Variants in EEFSEC observed in about 807,000 individuals in gnomAD.
EEFSEC encodes the protein eukaryotic elongation factor, selenocysteine-tRNA specific, also known as selenocysteine-specific elongation factor.
Under a neutral mutation model 42.1 loss-of-function variants are expected in EEFSEC, and 43 were observed. The observed-to-expected ratio is 1.02, with a 90% confidence interval of 0.80 to 1.32. The LOEUF is 1.32. EEFSEC is among the 40% of genes most tolerant of loss of function. EEFSEC has a pLI of 0.00. For synonymous variants in EEFSEC, 354 were observed against 339.1 expected, an observed-to-expected ratio of 1.04 and a Z score of -0.48; for missense variants, 745 against 803.6, an observed-to-expected ratio of 0.93 and a Z score of 0.88.
chr3:128,220,829 C>T (rs2065854584), intron 1 of EEFSEC, among the ~76,000 whole-genome samples: 1 of 152,206 alleles, frequency 6.6e-6, no homozygotes, highest in Non-Finnish European at 1.5e-5. Context: ...TGCATTGCTG[C>T]CAGTTCTTAT....
rs149037497 is a variant in EEFSEC, at chr3:128,245,017, C to T, written c.317-1819C>T. ...ACCTAGTTTCCAGCATTAGCTGTAA[C>T]AAACATGCTGCTTGGCTGGGTCAAA... On this transcript the variant is annotated intron_variant, in intron 1 of 6. Transcript: ENST00000254730. 3.4e-3 allele frequency among the ~76,000 whole-genome samples: 511 copies of T among 152,346 alleles called. 1 individual carries two copies. Among genetic ancestry groups the T allele is most frequent in the African/African-American group, 0.011 (473 of 41,574 alleles).
chr3:128,196,759 G>A (rs748914220), intron 1 of EEFSEC, among the ~76,000 whole-genome samples: 10 of 152,164 alleles, frequency 6.6e-5, no homozygotes, highest in African/African-American at 1.9e-4. Context: ...ACTGGCACTC[G>A]ATGGCCTCTG....
rs929334072 is a variant in EEFSEC at position 128,347,963 on chromosome 3, A to AT, written c.1443+6082dup. Among the ~76,000 whole-genome samples the AT allele has an allele frequency of 2.0e-5, 3 of 152,212 alleles. No individual in the cohort carries two copies. The East Asian group carries it at 5.8e-4, about 29-fold the overall frequency. ...CTTACACTCCTTGAATAGAGTATAC[A>AT]TTTTTTTTCCTATGGCTTGGAACAT... On this transcript the variant is annotated intron_variant, in intron 5 of 6. Transcript: ENST00000254730.
At chr3:128,250,911 G>GGTT (rs1553747268) in intron 2 of EEFSEC, among the ~76,000 whole-genome samples, 3 of 108,596 alleles carry the variant, frequency 2.8e-5, no homozygotes, top group Non-Finnish European at 1.8e-5. Context: ...GTTTTTTTTG[G>GGTT]TTTTTTTTTT....
rs1051606322 is a variant in EEFSEC, at chr3:128,317,077, A to G, written c.787-24156A>G. Among the ~76,000 whole-genome samples, 5 of 152,234 alleles carry G rather than the reference A, an allele frequency of 3.3e-5. No homozygotes were observed. Among genetic ancestry groups the G allele is most frequent in the Non-Finnish European group, 7.3e-5 (5 of 68,040 alleles). On this transcript the variant is annotated intron_variant, in intron 4 of 6. Coordinates refer to ENST00000254730, the MANE Select transcript of EEFSEC (RefSeq NM_021937.5). The surrounding 1 kb of genome is among the most constrained non-coding windows in gnomAD (Gnocchi z 4.1). ...AGAGCACATCTGGGGTCTTAAAGAA[A>G]GCAGAAAGAAAAATAGAAGACGTTC...
At chr3:128,215,486 T>C (rs6770140) in intron 1 of EEFSEC, among the ~76,000 whole-genome samples, 107,832 of 152,100 alleles carry the variant, frequency 0.71, 38,468 homozygotes, top group East Asian at 0.89. Flanking sequence ...TGGACAGCGT[T>C]GATGGATCAG....
intron 2 of EEFSEC, among the ~76,000 whole-genome samples, chr3:128,259,492 C>A (rs1303115606): frequency 6.6e-6 from 1 of 152,172 alleles, no homozygotes; most frequent in Non-Finnish European, 1.5e-5. Context: ...AGGTAGCATA[C>A]CTTTCAATCT....
At position 128,272,609 on chromosome 3, in the gene EEFSEC, C is replaced by A. The variant is rs1048544710; in HGVS notation, c.786+7828C>A. On this transcript the variant is annotated intron_variant, in intron 4 of 6. Coordinates refer to ENST00000254730, the MANE Select transcript of EEFSEC (RefSeq NM_021937.5). ...TGTCTCCACACGGTTCCAGTCAGGG[C>A]TATCTGTTACTTTTGGACCAAAGTA... 7.2e-5 allele frequency among the ~76,000 whole-genome samples: 11 copies of A among 152,278 alleles called. No individual in the cohort carries two copies. The South Asian group carries it at 1.2e-3, about 17-fold the overall frequency.
intron 4 of EEFSEC, among the ~76,000 whole-genome samples, chr3:128,327,240 A>T (rs912860022): frequency 6.6e-6 from 1 of 151,488 alleles, no homozygotes; most frequent in Non-Finnish European, 1.5e-5. Context: ...CCTGGGAGGT[A>T]TCAAGAACTC....
At chr3:128,347,681 C>T (rs1355262820) in intron 5 of EEFSEC, among the ~76,000 whole-genome samples, 2 of 152,106 alleles carry the variant, frequency 1.3e-5, no homozygotes, top group Non-Finnish European at 2.9e-5. Context: ...TATTTAAATG[C>T]TAACGCTGAG....
rs1256111535 is a variant in EEFSEC, at chr3:128,222,032, T to G, written c.317-24804T>G. ...TTCGTGTGTTTTTTCAAAGTTTTTT[T>G]TTTTTTTTTTTTTTTTTTTGAGACA... On this transcript the variant is annotated intron_variant, in intron 1 of 6. Coordinates refer to ENST00000254730, the MANE Select transcript of EEFSEC (RefSeq NM_021937.5). 1.7e-4 allele frequency among the ~76,000 whole-genome samples: 25 copies of G among 143,072 alleles called. No homozygotes were observed. In the East Asian group the frequency reaches 3.9e-3, roughly 23 times the overall value. 93.9% of individuals were successfully genotyped at this position (143,072 alleles called of 152,430 possible).
chr3:128,341,382 C>T lies in EEFSEC; in HGVS notation c.936C>T (p.Val312=). Residue 312 remains valine (V), a synonymous_variant, in exon 5 of 7, where the codon GTC becomes GTT. Coordinates refer to ENST00000254730, the MANE Select transcript of EEFSEC (RefSeq NM_021937.5). ...GTGCCCCCGAGTCCCTGCACACTGT[C>T]CATGCGGCCCTCATCTCTGTGGAAA... ...LVCAPESLHT[V]HAALISVEKI... 2 of 1,614,142 alleles carry T rather than the reference C, an allele frequency of 1.2e-6. No individual in the cohort carries two copies. The highest frequency in any genetic ancestry group is 1.7e-6 in the Non-Finnish European group (2 of 1,180,034).
chr3:128,204,781 C>T (rs557884587), intron 1 of EEFSEC, among the ~76,000 whole-genome samples: 2 of 152,072 alleles, frequency 1.3e-5, no homozygotes, highest in Admixed American at 6.6e-5. Context: ...GAGACCCTCC[C>T]GAGCTCAGTG....
intron 1 of EEFSEC, among the ~76,000 whole-genome samples, chr3:128,159,771 T>C (rs1198414097): frequency 6.6e-6 from 1 of 152,224 alleles, no homozygotes; most frequent in Non-Finnish European, 1.5e-5. Context: ...AGTCTCTGCT[T>C]TAATGGCACC....
chr3:128,305,811 A>G (rs1394590270), intron 4 of EEFSEC, among the ~76,000 whole-genome samples: 4 of 148,228 alleles, frequency 2.7e-5, no homozygotes, highest in African/African-American at 2.5e-5. Flanking sequence ...TTTGCTATGT[A>G]TTTCTTTCAT....
At chr3:128,236,694 G>A (rs2066014690) in intron 1 of EEFSEC, among the ~76,000 whole-genome samples, 1 of 152,166 alleles carries the variant, frequency 6.6e-6, no homozygotes, top group South Asian at 2.1e-4. Context: ...TCAAACGCAT[G>A]TGGAGGCTTT....
At chr3:128,228,269 C>T (rs965232229) in intron 1 of EEFSEC, among the ~76,000 whole-genome samples, 2 of 152,148 alleles carry the variant, frequency 1.3e-5, no homozygotes, top group African/African-American at 4.8e-5. Flanking sequence ...CCTAGGGCAA[C>T]AGGGATTGTG....
chr3:128,224,355 G>A (rs947370486), intron 1 of EEFSEC, among the ~76,000 whole-genome samples: 3 of 152,208 alleles, frequency 2.0e-5, no homozygotes, highest in South Asian at 2.1e-4. Flanking sequence ...AAGAATAAAC[G>A]TCACAGTTCT....
At chr3:128,343,011 T>C (rs2067272864) in intron 5 of EEFSEC, among the ~76,000 whole-genome samples, 1 of 152,246 alleles carries the variant, frequency 6.6e-6, no homozygotes, top group Non-Finnish European at 1.5e-5. Flanking sequence ...GGGCTTTGAC[T>C]GGCTTAAAGA....
Sources: allele counts gnomAD v4.1 joint callset (sites outside exome capture counted in the v4.1 genomes callset), GRCh38; gene constraint gnomAD v4.1.1; non-coding constraint Gnocchi (gnomAD v3.1); transcripts MANE v1.5; gene names NCBI Gene and HGNC (gene_info 2026-07-23, HGNC 2026-07-21).